The following ZBBX variants were observed in gnomAD, a reference collection of about 807,000 sequenced individuals.
ZBBX encodes zinc finger B-box domain-containing protein 1.
In ZBBX, 101 loss-of-function variants were observed where a neutral mutation model predicts 108.5. That is an observed-to-expected ratio of 0.93 (90% CI 0.79 to 1.10). The LOEUF (loss-of-function observed/expected upper bound fraction) is 1.10, where lower values mean the gene tolerates loss of function less well. Ranked by LOEUF, ZBBX falls within the 50% of genes least tolerant of loss-of-function variation. ZBBX has a pLI of 0.00. For missense variants in ZBBX, 1,009 were observed against 941.4 expected, an observed-to-expected ratio of 1.07 and a Z score of -0.94; for synonymous variants, 356 against 323.4, an observed-to-expected ratio of 1.10 and a Z score of -1.08.
At chr3:167,233,311 T>C in the ZBBX span, among the ~76,000 whole-genome samples, 1 of 151,818 alleles carries the variant, frequency 6.6e-6, no homozygotes, top group Non-Finnish European at 1.5e-5. Context: ...CAATCTAGCT[T>C]CTAGAGTTAA....
the ZBBX span, among the ~76,000 whole-genome samples, chr3:167,212,693 A>G: frequency 9.2e-5 from 14 of 152,304 alleles, no homozygotes; most frequent in Non-Finnish European, 2.9e-5. Context: ...GGGCAGGAAC[A>G]TAAACACTGA....
chr3:167,348,054 T>C (rs971972693), intron 9 of ZBBX, among the ~76,000 whole-genome samples: 1 of 151,872 alleles, frequency 6.6e-6, no homozygotes, highest in Non-Finnish European at 1.5e-5. Flanking sequence ...TATTAGGAAC[T>C]TAAATACCAT....
chr3:167,224,154 A>G, the ZBBX span, among the ~76,000 whole-genome samples: 1 of 151,976 alleles, frequency 6.6e-6, no homozygotes, highest in Non-Finnish European at 1.5e-5. Context: ...TAAGCCTCTG[A>G]ATTAACCAGC....
At chr3:167,271,039 T>C (rs1726429419) in intron 20 of ZBBX, among the ~76,000 whole-genome samples, 1 of 152,172 alleles carries the variant, frequency 6.6e-6, no homozygotes, top group African/African-American at 2.4e-5. Context: ...ATGGGGAAAC[T>C]CTTGAAGAAA....
At chr3:167,395,052 C>A (rs1335480999) in intron 1 of ZBBX, among the ~76,000 whole-genome samples, 1 of 152,028 alleles carries the variant, frequency 6.6e-6, no homozygotes, top group East Asian at 1.9e-4. Flanking sequence ...AACTCTAATA[C>A]ACTTATCCTC....
chr3:167,286,912 A>T (rs1419995080), intron 19 of ZBBX, among the ~76,000 whole-genome samples: 1 of 152,172 alleles, frequency 6.6e-6, no homozygotes, highest in African/African-American at 2.4e-5. Flanking sequence ...GCAGAATACA[A>T]GATTTCTATA....
the ZBBX span, among the ~76,000 whole-genome samples, chr3:167,222,989 C>G: frequency 6.6e-6 from 1 of 151,854 alleles, no homozygotes; most frequent in Non-Finnish European, 1.5e-5. Context: ...GATGGACACC[C>G]AAATACACTG....
chr3:167,218,930 G>A, the ZBBX span, among the ~76,000 whole-genome samples: 1 of 151,892 alleles, frequency 6.6e-6, no homozygotes, highest in Non-Finnish European at 1.5e-5. Context: ...ATCAACGTAT[G>A]GAGAAAGATA....
the ZBBX span, among the ~76,000 whole-genome samples, chr3:167,213,103 C>A: frequency 6.6e-6 from 1 of 152,172 alleles, no homozygotes. Flanking sequence ...AGAACCAATG[C>A]AAGAACTCCA....
At chr3:167,391,114 T>A (rs1748073488) in intron 1 of ZBBX, among the ~76,000 whole-genome samples, 1 of 152,154 alleles carries the variant, frequency 6.6e-6, no homozygotes, top group Non-Finnish European at 1.5e-5. Context: ...TGATATTGGC[T>A]ATGGGTTTGT....
intron 20 of ZBBX, among the ~76,000 whole-genome samples, chr3:167,276,360 G>A (rs1727577521): frequency 6.6e-6 from 1 of 152,136 alleles, no homozygotes; most frequent in African/African-American, 2.4e-5. Context: ...TTAGAAGAAT[G>A]TATAACTAGA....
chr3:167,187,098 C>A, the ZBBX span, among the ~76,000 whole-genome samples: 2 of 152,054 alleles, frequency 1.3e-5, no homozygotes, highest in African/African-American at 4.8e-5. Flanking sequence ...AGGTTTGCTA[C>A]CGTAGACCCA....
At chr3:167,244,461 A>C (rs1342017236) in intron 20 of ZBBX, among the ~76,000 whole-genome samples, 2 of 152,358 alleles carry the variant, frequency 1.3e-5, no homozygotes, top group African/African-American at 4.8e-5. Flanking sequence ...GAGCTAATTG[A>C]ATGAGCATAA....
At chr3:167,260,921 C>T (rs918989864) in intron 20 of ZBBX, among the ~76,000 whole-genome samples, 1 of 152,068 alleles carries the variant, frequency 6.6e-6, no homozygotes, top group African/African-American at 2.4e-5. Context: ...CTCATATTAC[C>T]AGGGAAGGTT....
chr3:167,197,236 G>A, the ZBBX span, among the ~76,000 whole-genome samples: 1 of 152,068 alleles, frequency 6.6e-6, no homozygotes, highest in South Asian at 2.1e-4. Flanking sequence ...TCTCATTAAG[G>A]AGTTAAGAAT....
intron 20 of ZBBX, among the ~76,000 whole-genome samples, chr3:167,277,157 C>T (rs1156558910): frequency 1.3e-5 from 2 of 151,884 alleles, no homozygotes; most frequent in Non-Finnish European, 2.9e-5. Context: ...AATGTAAAGA[C>T]CATCGAGACT....
chr3:167,205,427 C>G, the ZBBX span, among the ~76,000 whole-genome samples: 1 of 152,138 alleles, frequency 6.6e-6, no homozygotes, highest in African/African-American at 2.4e-5. Flanking sequence ...TTCCATTATA[C>G]ATGATCAATC....
intron 20 of ZBBX, among the ~76,000 whole-genome samples, chr3:167,267,787 A>G (rs144833085): frequency 6.6e-6 from 1 of 152,152 alleles, no homozygotes; most frequent in Non-Finnish European, 1.5e-5. Context: ...AGCCCGATCT[A>G]GCATCCGACA....
At chr3:167,378,186 A>G (rs1400488212) in intron 2 of ZBBX, among the ~76,000 whole-genome samples, 1 of 152,154 alleles carries the variant, frequency 6.6e-6, no homozygotes, top group Non-Finnish European at 1.5e-5. Context: ...AGAATGGACT[A>G]ATATAGGTAT....
Sources: gnomAD v4.1 joint callset for allele counts (sites outside exome capture counted in the v4.1 genomes callset) on GRCh38, gnomAD v4.1.1 for gene constraint, MANE v1.5 for transcripts, NCBI Gene and HGNC (gene_info 2026-07-23, HGNC 2026-07-21) for gene names.